FDXR: variants seen among roughly 807,000 people sequenced by gnomAD.
The protein encoded by FDXR is NADPH:adrenodoxin oxidoreductase, mitochondrial.
FDXR carries 38 observed loss-of-function variants against 58.3 expected under a neutral mutation model. The observed-to-expected ratio is 0.65, with a 90% CI of 0.50 to 0.85. FDXR has a LOEUF of 0.85. Among genes scored for constraint, FDXR ranks in the 40% least tolerant of loss-of-function variants. The pLI is 0.00. For synonymous variants in FDXR, 275 were observed against 273.8 expected (o/e 1.00, Z -0.04); for missense variants, 624 against 671.0 (o/e 0.93, Z 0.77).
chr17:74,864,583 G>A lies in FDXR; in HGVS notation c.718-19C>T, dbSNP rs1352130159. 5 of 1,608,478 alleles carry A rather than the reference G, an allele frequency of 3.1e-6. No homozygotes were observed. Among genetic ancestry groups the A allele is most frequent in the Non-Finnish European group, 4.3e-6 (5 of 1,175,614 alleles). The stretch of plus-strand genomic sequence containing the variant: ...GAAGCTCCTTGAAGGTGGGAGCAGG[G>A]AATGGGGGAGGAGGTCAGGCCCAGA... On this transcript the variant is annotated intron_variant, in intron 7 of 11. Transcript: ENST00000293195.
In FDXR at chr17:74,869,958, C is replaced by T. The variant is rs556855398; in HGVS notation, c.177+2078G>A. 1.7e-4 allele frequency: 79 copies of T among 453,832 alleles called. 1 individual carries two copies. The highest frequency in any genetic ancestry group is 1.1e-3 in the South Asian group (71 of 64,516). The allele number at this position is 453,832 out of a possible 1,614,324, so 28.1% of individuals were successfully genotyped here. On this transcript the variant is annotated intron_variant, in intron 2 of 11. Transcript: ENST00000293195. ...GGCCCTAGCATCCTTACCTGTGAAG[C>T]AAGAGGCACGACACCTGCTTTGCAG...
intron 2 of FDXR, among the ~76,000 whole-genome samples, chr17:74,869,240 G>A (rs955064804): frequency 1.3e-5 from 2 of 152,148 alleles, no homozygotes; most frequent in African/African-American, 2.4e-5. Context: ...AGAATCCTTC[G>A]GGGTGTTTAA....
chr17:74,865,861 C>G (rs763450567), intron 5 of FDXR, 41 bp from the exon 6 acceptor site: 1 of 1,479,002 alleles, frequency 6.8e-7, no homozygotes, highest in African/African-American at 1.4e-5. Flanking sequence ...CAGCCTCGCT[C>G]CACTCAGTTC....
At chr17:74,866,696 G>A in intron 3 of FDXR, 88 bp downstream of exon 3, 1 of 1,581,236 alleles carries the variant, frequency 6.3e-7, no homozygotes, top group South Asian at 1.1e-5. Flanking sequence ...ACGGCATGAA[G>A]TCCTGTCATC....
intron 2 of FDXR, among the ~76,000 whole-genome samples, chr17:74,869,372 C>A (rs751943078): frequency 2.0e-5 from 3 of 152,172 alleles, no homozygotes; most frequent in Non-Finnish European, 4.4e-5. Context: ...GCTGTGGACA[C>A]CTCCCAGCGA....
At position 74,867,796 on chromosome 17, in the gene FDXR, A is replaced by G. The variant is rs565875381; in HGVS notation, c.178-920T>C. The stretch of plus-strand genomic sequence containing the variant: ...TGCCACCAACCAGCCACATGATCCC[A>G]GCAAGTCCCAGGGCCTCCCCAAGTC... On this transcript the variant is annotated intron_variant, in intron 2 of 11. Coordinates refer to ENST00000293195, the MANE Select transcript of FDXR (RefSeq NM_024417.5). Among the ~76,000 whole-genome samples, 3 of 152,250 alleles carry G rather than the reference A, an allele frequency of 2.0e-5. No homozygotes were observed. In the South Asian group the frequency reaches 6.2e-4, roughly 32 times the overall value.
chr17:74,864,390 G>A (rs761082090), intron 8 of FDXR, 43 bp from the exon 9 acceptor site: 58 of 1,596,114 alleles, frequency 3.6e-5, no homozygotes, highest in South Asian at 4.5e-5. Flanking sequence ...CCTGGGCCCC[G>A]GCCCTCTCCC....
intron 11 of FDXR, 52 bp from the exon 12 acceptor site, chr17:74,862,999 A>G (rs1421608849): frequency 1.3e-5 from 21 of 1,603,384 alleles, no homozygotes; most frequent in Non-Finnish European, 1.8e-5. Flanking sequence ...CTCCCAGAAC[A>G]GCCCCCTCCC....
chr17:74,870,768 C>A (rs2038349788), intron 2 of FDXR, among the ~76,000 whole-genome samples: 1 of 146,874 alleles, frequency 6.8e-6, no homozygotes. Context: ...CCTTGGTCTG[C>A]TTCAAGGCAG....
At position 74,872,895 on chromosome 17, in the gene FDXR, G is replaced by A. The variant is rs1261226439; in HGVS notation, c.50C>T (p.Thr17Ile). 2 of 1,552,002 alleles carry A rather than the reference G, an allele frequency of 1.3e-6. No homozygotes were observed. Among genetic ancestry groups the A allele is most frequent in the Non-Finnish European group, 1.7e-6 (2 of 1,148,662 alleles). Residue 17 changes from threonine (T) to isoleucine (I), a missense_variant, in exon 1 of 12, where the codon ACC (threonine) becomes ATC (isoleucine). Thr to Ile is a moderately conservative substitution (Grantham distance 89). Transcript: ENST00000293195. ...GGTGCTCCCGGCGGGAGGCAGCCGG[G>A]TCCGAGGCCACGCCGACCAGCCCCA... ...RWWGWSAWPR[T>I]RLPPAGSTPS...
At chr17:74,870,797 CTTTTTT>C (rs200476203) in intron 2 of FDXR, among the ~76,000 whole-genome samples, 1,847 of 88,500 alleles carry the variant, frequency 0.021, 41 homozygotes, top group African/African-American at 0.07. Flanking sequence ...CACTGTCTCT[CTTTTTT>C]TTTTTTTTTT....
chr17:74,872,962 T>A lies in FDXR; in HGVS notation c.-18A>T. On this transcript the variant is annotated 5_prime_UTR_variant, in exon 1 of 12. Coordinates refer to ENST00000293195, the MANE Select transcript of FDXR (RefSeq NM_024417.5). ...GAAGCCATGGCTGGGAGCAGCAACCTGCAAGTGGATCTGTTCCTAGCTACT... is the reference window on the plus strand; with the variant it reads ...GAAGCCATGGCTGGGAGCAGCAACCAGCAAGTGGATCTGTTCCTAGCTACT... The A allele has an allele frequency of 6.5e-7, 1 of 1,548,602 alleles. No homozygotes were observed.
chr17:74,866,017 T>A, intron 5 of FDXR, 114 bp downstream of exon 5: 1 of 954,124 alleles, frequency 1.0e-6, no homozygotes, highest in Non-Finnish European at 1.6e-6. Flanking sequence ...CCCGCCTCAG[T>A]CAGCACAATG....
At position 74,862,681 on chromosome 17, in the gene FDXR, G is replaced by T. The variant is rs962805963; in HGVS notation, c.*136C>A. 8 of 1,235,792 alleles carry T rather than the reference G, an allele frequency of 6.5e-6. No homozygotes were observed. Among genetic ancestry groups the T allele is most frequent in the Non-Finnish European group, 7.7e-6 (7 of 908,730 alleles). The allele number at this position is 1,235,792 out of a possible 1,614,324, so 76.6% of individuals were successfully genotyped here. ...ACCTTCCCCAGGAGGGAGGAGAGAC[G>T]CTGGAAGAGCAGCCAAGCCTCCAAG... On this transcript the variant is annotated 3_prime_UTR_variant, in exon 12 of 12. Transcript: ENST00000293195.
At chr17:74,864,621 T>C in intron 7 of FDXR, 57 bp from the exon 8 acceptor site, 1 of 1,528,778 alleles carries the variant, frequency 6.5e-7, no homozygotes, top group Non-Finnish European at 9.0e-7. Context: ...ACAGTCCACC[T>C]GAGCCCACCC....
Position 74,868,781 on chromosome 17 carries a change from TCCTC to T in FDXR, c.178-1909_178-1906del, listed in dbSNP as rs1001295874. 159 of 1,467,786 alleles carry T rather than the reference TCCTC, an allele frequency of 1.1e-4. 1 individual carries two copies. The Admixed American group carries it at 2.5e-3, about 23-fold the overall frequency. 90.9% of individuals were successfully genotyped at this position (1,467,786 alleles called of 1,614,324 possible). ...GGTTCTTCCGATTGGCCCCCCTCCCTCCTCCCTGAGGATTTAACCCACTCCCTCC... is the reference window on the plus strand; with the variant it reads ...GGTTCTTCCGATTGGCCCCCCTCCCTCCTGAGGATTTAACCCACTCCCTCC... On this transcript the variant is annotated intron_variant, in intron 2 of 11. Transcript: ENST00000293195.
At position 74,866,516 on chromosome 17, in the gene FDXR, C is replaced by T. The variant is rs2038190972; in HGVS notation, c.323G>A (p.Trp108Ter). 2 of 1,613,816 alleles carry T rather than the reference C, an allele frequency of 1.2e-6. No individual in the cohort carries two copies. Among genetic ancestry groups the T allele is most frequent in the Non-Finnish European group, 1.7e-6 (2 of 1,180,024 alleles). ...QTAHSGRCAF[W>*]GNVEVGRDVT... The stretch of plus-strand genomic sequence containing the variant: ...GTCCCTGCCCACCTCCACGTTGCCC[C>T]AGAAGGCACAGCGGCCAGAATGGGC... Residue 108 changes from tryptophan to a stop codon, truncating the protein, a stop_gained, in exon 4 of 12, where the codon TGG (tryptophan) becomes TAG (stop). Transcript: ENST00000293195. LOFTEE classifies it high-confidence loss of function.
At chr17:74,869,268 C>A (rs2038294535) in intron 2 of FDXR, among the ~76,000 whole-genome samples, 1 of 152,182 alleles carries the variant, frequency 6.6e-6, no homozygotes, top group Non-Finnish European at 1.5e-5. Context: ...GACTCTTGGG[C>A]CCAGCCACAG....
chr17:74,865,848 C>G, intron 5 of FDXR, 28 bp from the exon 6 acceptor site: 2 of 1,555,126 alleles, frequency 1.3e-6, no homozygotes, highest in East Asian at 4.5e-5. Context: ...TGATAGGGTC[C>G]CCCAGCCTCG....
Sources: allele counts gnomAD v4.1 joint callset (sites outside exome capture counted in the v4.1 genomes callset), GRCh38; gene constraint gnomAD v4.1.1; transcripts MANE v1.5; gene names NCBI Gene and HGNC (gene_info 2026-07-23, HGNC 2026-07-21).